SYNJ2: variants seen among roughly 807,000 people sequenced by gnomAD.
The protein encoded by SYNJ2 is synaptojanin 2, also known as polyphosphatidylinositol phosphatase SYNJ2.
In SYNJ2, 116 loss-of-function variants were observed where a neutral mutation model predicts 141.3. That is an observed-to-expected ratio of 0.82 (90% CI 0.71 to 0.96). The LOEUF (loss-of-function observed/expected upper bound fraction) is 0.96. Among genes scored for constraint, SYNJ2 ranks in the 40% least tolerant of loss-of-function variants. The pLI is 0.00. For synonymous variants in SYNJ2, 745 were observed against 777.7 expected (o/e 0.96, Z 0.70); for missense variants, 1,873 against 1,934.8 (o/e 0.97, Z 0.60).
intron 1 of SYNJ2, among the ~76,000 whole-genome samples, chr6:158,013,582 C>T (rs1778345525): frequency 6.6e-6 from 1 of 152,130 alleles, no homozygotes; most frequent in Non-Finnish European, 1.5e-5. Context: ...AAACCATGTT[C>T]AGTGGATCCT....
At chr6:158,046,835 A>G (rs1265520074) in intron 5 of SYNJ2, among the ~76,000 whole-genome samples, 1 of 152,142 alleles carries the variant, frequency 6.6e-6, no homozygotes, top group Non-Finnish European at 1.5e-5. Context: ...TCGAGAATCT[A>G]TTTATGATCT....
At chr6:158,007,735 C>T (rs1247842062) in intron 1 of SYNJ2, among the ~76,000 whole-genome samples, 1 of 152,130 alleles carries the variant, frequency 6.6e-6, no homozygotes, top group African/African-American at 2.4e-5. Flanking sequence ...CTCCGCCTCC[C>T]AGGTTTAAGC....
chr6:158,079,422 G>A (rs1292487172), intron 18 of SYNJ2: 1 of 150,440 alleles, frequency 6.6e-6, no homozygotes, highest in African/African-American at 2.5e-5. Flanking sequence ...CTCCAGGCTG[G>A]AGTGCAGTGG....
At chr6:158,057,340 C>T (rs1041470892) in intron 6 of SYNJ2, among the ~76,000 whole-genome samples, 9 of 151,946 alleles carry the variant, frequency 5.9e-5, no homozygotes, top group East Asian at 5.8e-4. Flanking sequence ...CGCTCCCTTA[C>T]GCCCTGGGTG....
At chr6:158,048,413 G>A (rs765920511) in intron 5 of SYNJ2, among the ~76,000 whole-genome samples, 1 of 152,136 alleles carries the variant, frequency 6.6e-6, no homozygotes, top group African/African-American at 2.4e-5. Flanking sequence ...GGGCATGAAG[G>A]GAATGGGAGG....
chr6:158,004,848 G>A (rs185298178), intron 1 of SYNJ2, among the ~76,000 whole-genome samples: 68 of 151,802 alleles, frequency 4.5e-4, no homozygotes, highest in Non-Finnish European at 9.0e-4. Flanking sequence ...CCTCTTTCTC[G>A]CTGTCATTTC....
Position 158,066,555 on chromosome 6 carries a change from G to T in SYNJ2, c.1637G>T (p.Arg546Leu). 1.2e-6 allele frequency: 2 copies of T among 1,614,144 alleles called. No homozygotes were observed. Among genetic ancestry groups the T allele is most frequent in the South Asian group, 2.2e-5 (2 of 91,078 alleles). The change falls in exon 12 of 27, where the codon CGG becomes CTG. Residue 546 changes from arginine (R) to leucine (L), a missense_variant. By Grantham distance (102) the Arg-to-Leu change is moderately radical (BLOSUM62 -2). Coordinates refer to ENST00000355585, the MANE Select transcript of SYNJ2 (RefSeq NM_003898.4). ...AACGTGAACGGAGGAAAGCAGTTCC[G>T]GAGCAACGTGCTCAGGACGGCGGAG... ...TWNVNGGKQF[R>L]SNVLRTAELT...
At position 158,064,810 on chromosome 6, in the gene SYNJ2, T is replaced by C. The variant is rs778907050; in HGVS notation, c.1360-16T>C. 1.2e-5 allele frequency: 19 copies of C among 1,609,492 alleles called. No homozygotes were observed. Among genetic ancestry groups the C allele is most frequent in the Non-Finnish European group, 1.6e-5 (19 of 1,176,840 alleles). On this transcript the variant is annotated splice_polypyrimidine_tract_variant and intron_variant, in intron 10 of 26. Coordinates refer to ENST00000355585, the MANE Select transcript of SYNJ2 (RefSeq NM_003898.4). ...CAGGGACCCCCCTCACGGCCTGCGGTCTGGGCTCTCGGCAGGTGGGGAAGC... is the reference window on the plus strand; with the variant it reads ...CAGGGACCCCCCTCACGGCCTGCGGCCTGGGCTCTCGGCAGGTGGGGAAGC...
chr6:157,988,135 A>T (rs549300787), intron 1 of SYNJ2, among the ~76,000 whole-genome samples: 1 of 152,260 alleles, frequency 6.6e-6, no homozygotes, highest in African/African-American at 2.4e-5. Flanking sequence ...GGCCTCAGGC[A>T]GACTGTGCAG....
At chr6:158,058,431 G>A (rs887663448) in intron 6 of SYNJ2, among the ~76,000 whole-genome samples, 29 of 152,214 alleles carry the variant, frequency 1.9e-4, no homozygotes, top group African/African-American at 6.8e-4. Flanking sequence ...TATTTAGAAA[G>A]TAGCTTCCAA....
chr6:158,009,704 C>A (rs1344009150), intron 1 of SYNJ2, among the ~76,000 whole-genome samples: 2 of 152,170 alleles, frequency 1.3e-5, no homozygotes. Flanking sequence ...ATGGAAGTTG[C>A]AAATGGGCAG....
chr6:158,022,757 G>A (rs1053279667), intron 2 of SYNJ2, among the ~76,000 whole-genome samples: 2 of 152,212 alleles, frequency 1.3e-5, no homozygotes, highest in African/African-American at 4.8e-5. Context: ...AACCCCGCAA[G>A]CCTAGTTAGC....
chr6:158,096,495 G>A lies in SYNJ2; in HGVS notation c.*131G>A. The A allele has an allele frequency of 9.0e-7, 1 of 1,113,312 alleles. No homozygotes were observed. Among genetic ancestry groups the A allele is most frequent in the Non-Finnish European group, 1.2e-6 (1 of 809,898 alleles). The allele number at this position is 1,113,312 out of a possible 1,614,324, so 69.0% of individuals were successfully genotyped here. ...TTTGTGCATCTGTCACTCTCGTGTA[G>A]TTTACAAAAATCGTGTCTCTTATTC... On this transcript the variant is annotated 3_prime_UTR_variant, in exon 27 of 27. Coordinates refer to ENST00000355585, the MANE Select transcript of SYNJ2 (RefSeq NM_003898.4).
intron 3 of SYNJ2, among the ~76,000 whole-genome samples, chr6:158,032,817 T>C (rs983238287): frequency 2.0e-5 from 3 of 152,356 alleles, no homozygotes; most frequent in Middle Eastern, 3.4e-3. Context: ...GTCGTTATCA[T>C]CATGGACTCT....
At chr6:157,993,468 CT>C (rs1777525032) in intron 1 of SYNJ2, among the ~76,000 whole-genome samples, 1 of 152,124 alleles carries the variant, frequency 6.6e-6, no homozygotes, top group African/African-American at 2.4e-5. Flanking sequence ...CAAATATTTC[CT>C]CCCATTCTGT....
chr6:158,062,134 T>A lies in SYNJ2; in HGVS notation c.1097T>A (p.Val366Glu). The change falls in exon 8 of 27, where the codon GTG becomes GAG. Residue 366 changes from valine (V) to glutamate (E), a missense_variant. Physicochemically the swap from Val to Glu is moderately radical, Grantham distance 121. Transcript: ENST00000355585. ...AAGCTGCACTGGGAAGACTTCGATG[T>A]GTTCACAAAGGGGGAGAACGTCAGT... Reference protein sequence around the residue: ...QLKLHWEDFDVFTKGENVSPR... With the variant: ...QLKLHWEDFDEFTKGENVSPR... The A allele has an allele frequency of 6.2e-7, 1 of 1,613,960 alleles. No individual in the cohort carries two copies. Among genetic ancestry groups the A allele is most frequent in the South Asian group, 1.1e-5 (1 of 91,082 alleles).
At position 158,078,270 on chromosome 6, in the gene SYNJ2, G is replaced by T. The variant is rs2296507; in HGVS notation, c.2556G>T (p.Ala852=). Residue 852 remains alanine (A), a synonymous_variant, in exon 18 of 27, where the codon GCG becomes GCT. Transcript: ENST00000355585. The stretch of plus-strand genomic sequence containing the variant: ...ATTATGGTCGTGCGGAGCTACAAGC[G>T]TCTGATCACAGGTGAGGTCCTGACT... ...LQYYGRAELQ[A]SDHRPVLAIV... 824,163 of 1,609,524 alleles carry T rather than the reference G, an allele frequency of 0.51. 213,916 individuals are homozygous for T. The highest frequency in any genetic ancestry group is 0.65 in the African/African-American group (48,512 of 74,868).
At position 158,035,552 on chromosome 6, in the gene SYNJ2, G is replaced by A. The variant is rs552726649; in HGVS notation, c.711+1872G>A. ...GTTTATCAGGTTAAGGAGATTTTGG[G>A]CTGAGACTGTGGTGTTTTCTAGATA... On this transcript the variant is annotated intron_variant, in intron 4 of 26. Transcript: ENST00000355585. Among the ~76,000 whole-genome samples, 265 of 152,236 alleles carry A rather than the reference G, an allele frequency of 1.7e-3. 2 individuals carry two copies. In the Middle Eastern group the frequency reaches 0.024, roughly 14 times the overall value.
intron 12 of SYNJ2, 58 bp downstream of exon 12, chr6:158,066,693 C>A: frequency 1.3e-6 from 2 of 1,572,136 alleles, no homozygotes; most frequent in East Asian, 2.3e-5. Flanking sequence ...TGACATGTCA[C>A]GCTTGACCCT....
Sources: allele counts gnomAD v4.1 joint callset (sites outside exome capture counted in the v4.1 genomes callset), GRCh38; gene constraint gnomAD v4.1.1; transcripts MANE v1.5; gene names NCBI Gene and HGNC (gene_info 2026-07-23, HGNC 2026-07-21).